ERG: variants seen among roughly 807,000 people sequenced by gnomAD.
ERG encodes the protein ETS transcription factor ERG.
In ERG, 9 loss-of-function variants were observed where a neutral mutation model predicts 55.3. That is an observed-to-expected ratio of 0.16 (90% CI 0.10 to 0.28). The LOEUF (loss-of-function observed/expected upper bound fraction) is 0.28, where lower values mean the gene tolerates loss of function less well. ERG is among the 10% of genes least tolerant of loss of function. The pLI is 1.00. For synonymous variants in ERG, 223 were observed against 237.3 expected (o/e 0.94, Z 0.55); for missense variants, 434 against 631.6 (o/e 0.69, Z 3.35).
intron 1 of ERG, among the ~76,000 whole-genome samples, chr21:38,455,118 CTTTTTT>C (rs34764983): frequency 1.9e-5 from 2 of 104,796 alleles, no homozygotes; most frequent in Admixed American, 9.4e-5. Flanking sequence ...TTCTTTCTTT[CTTTTTT>C]TTTTTTTTTA....
chr21:38,639,838 C>A (rs2060412814), intron 1 of ERG, among the ~76,000 whole-genome samples: 1 of 152,106 alleles, frequency 6.6e-6, no homozygotes, highest in Admixed American at 6.6e-5. Flanking sequence ...AGAACTACAC[C>A]AACCATGAGG....
chr21:38,491,890 T>C (rs2059339215), intron 1 of ERG, among the ~76,000 whole-genome samples: 2 of 152,254 alleles, frequency 1.3e-5, no homozygotes, highest in African/African-American at 4.8e-5. Flanking sequence ...AAATATAGAA[T>C]TCAGTGCTAG....
At chr21:38,509,060 C>T (rs371666784) in intron 2 of ERG, among the ~76,000 whole-genome samples, 1 of 152,154 alleles carries the variant, frequency 6.6e-6, no homozygotes, top group South Asian at 2.1e-4. Context: ...CAGCCCCAAC[C>T]GGCACTTGAC....
intron 2 of ERG, among the ~76,000 whole-genome samples, chr21:38,522,934 T>G (rs191823346): frequency 1.3e-5 from 2 of 152,200 alleles, no homozygotes; most frequent in African/African-American, 4.8e-5. Context: ...AGGTATAAGC[T>G]GTACGAAATT....
At chr21:38,514,225 T>TA (rs890261400) in intron 2 of ERG, among the ~76,000 whole-genome samples, 14 of 146,916 alleles carry the variant, frequency 9.5e-5, no homozygotes, top group South Asian at 6.4e-4. Context: ...AACATGCATT[T>TA]AAAAAAAAAA....
intron 1 of ERG, among the ~76,000 whole-genome samples, chr21:38,469,002 G>GAAAAAAAAAAAAAAAAAAA (rs796522125): frequency 1.6e-5 from 1 of 62,098 alleles, no homozygotes. Flanking sequence ...AAAAAAAAAA[G>GAAAAAAAAAAAAAAAAAAA]AAAAAAAAAA....
At chr21:38,418,927 C>CAAAAAA (rs35001409) in intron 3 of ERG, among the ~76,000 whole-genome samples, 4 of 80,878 alleles carry the variant, frequency 4.9e-5, no homozygotes, top group African/African-American at 9.1e-5. Flanking sequence ...GACTTTGTCT[C>CAAAAAA]AAAAAAAAAA....
chr21:38,414,925 C>A (rs1008552411), intron 3 of ERG, among the ~76,000 whole-genome samples: 1 of 152,154 alleles, frequency 6.6e-6, no homozygotes, highest in African/African-American at 2.4e-5. Context: ...CAGATAACAT[C>A]ATTAGCACTG....
chr21:38,472,191 A>G (rs1217116831), intron 1 of ERG: 1 of 152,186 alleles, frequency 6.6e-6, no homozygotes, highest in Non-Finnish European at 1.5e-5. Flanking sequence ...GTAGAAAGAA[A>G]GAAAGAAAGA....
At chr21:38,571,719 T>A (rs1266258188) in intron 2 of ERG, among the ~76,000 whole-genome samples, 2 of 152,150 alleles carry the variant, frequency 1.3e-5, no homozygotes, top group Non-Finnish European at 2.9e-5. Flanking sequence ...TATTTTATAT[T>A]CCATAGTTTT....
intron 1 of ERG, among the ~76,000 whole-genome samples, chr21:38,454,050 C>G (rs1408064830): frequency 4.6e-5 from 7 of 152,146 alleles, no homozygotes; most frequent in African/African-American, 1.4e-4. Context: ...TTACATCCTT[C>G]TAAGAGGGCT....
chr21:38,498,242 G>C lies in ERG; in HGVS notation c.18+121C>G. Reference sequence around the variant, plus strand: ...TAGGCAGTGCAAAGGAAATCTTGTTGTCCTCTATTGTGGCAGTGGGGGTGT... The same window carrying C: ...TAGGCAGTGCAAAGGAAATCTTGTTCTCCTCTATTGTGGCAGTGGGGGTGT... On this transcript the variant is annotated intron_variant, in intron 1 of 9. Coordinates refer to ENST00000288319, the MANE Select transcript of ERG (RefSeq NM_182918.4). The surrounding 1 kb of genome is among the most constrained non-coding windows in gnomAD (Gnocchi z 4.6). 1.2e-6 allele frequency: 1 copy of C among 821,882 alleles called. No individual in the cohort carries two copies. Among genetic ancestry groups the C allele is most frequent in the Non-Finnish European group, 2.0e-6 (1 of 489,198 alleles). 50.9% of individuals were successfully genotyped at this position (821,882 alleles called of 1,614,324 possible).
At chr21:38,436,865 AG>A (rs59704495) in intron 2 of ERG, among the ~76,000 whole-genome samples, 29,689 of 148,930 alleles carry the variant, frequency 0.2, 3,090 homozygotes, top group South Asian at 0.3. Flanking sequence ...GTAGACCATG[AG>A]CTCCTCTTAG....
intron 2 of ERG, among the ~76,000 whole-genome samples, chr21:38,551,020 A>G (rs2059820664): frequency 6.6e-6 from 1 of 152,250 alleles, no homozygotes; most frequent in Non-Finnish European, 1.5e-5. Context: ...ATAGCAACAG[A>G]ACAATCATTT....
intron 3 of ERG, among the ~76,000 whole-genome samples, chr21:38,404,676 A>G (rs1988677041): frequency 1.3e-5 from 2 of 152,154 alleles, no homozygotes; most frequent in African/African-American, 4.8e-5. Context: ...TGCTGTGGGC[A>G]GCTATTTCTC....
intron 2 of ERG, among the ~76,000 whole-genome samples, chr21:38,542,717 G>A (rs1272150778): frequency 6.6e-6 from 1 of 152,176 alleles, no homozygotes; most frequent in Non-Finnish European, 1.5e-5. Context: ...TTAAAACTGT[G>A]AGGACCAATG....
intron 1 of ERG, among the ~76,000 whole-genome samples, chr21:38,653,997 C>T (rs2060503452): frequency 6.6e-6 from 1 of 152,188 alleles, no homozygotes; most frequent in Non-Finnish European, 1.5e-5. Flanking sequence ...GTTACACATA[C>T]TTATGAAATG....
intron 3 of ERG, among the ~76,000 whole-genome samples, chr21:38,412,398 A>G (rs1236789328): frequency 1.3e-5 from 2 of 152,156 alleles, no homozygotes; most frequent in Non-Finnish European, 2.9e-5. Flanking sequence ...AATTACCAGT[A>G]ATTTAGAAAG....
chr21:38,595,843 T>C (rs1372181420), intron 1 of ERG, among the ~76,000 whole-genome samples: 1 of 152,108 alleles, frequency 6.6e-6, no homozygotes, highest in Non-Finnish European at 1.5e-5. Context: ...AACATATCAC[T>C]AGGGGGTTCT....
Sources: gnomAD v4.1 joint callset for allele counts (sites outside exome capture counted in the v4.1 genomes callset) on GRCh38, gnomAD v4.1.1 for gene constraint, Gnocchi (gnomAD v3.1) non-coding constraint, MANE v1.5 for transcripts, NCBI Gene and HGNC (gene_info 2026-07-23, HGNC 2026-07-21) for gene names.